The following RBFOX1 variants were observed in gnomAD, a reference collection of about 807,000 sequenced individuals.
RBFOX1 encodes RNA binding protein fox-1 homolog 1.
In RBFOX1, 8 loss-of-function variants were observed where a neutral mutation model predicts 57.7. The observed-to-expected ratio is 0.14, with a 90% CI of 0.08 to 0.25. RBFOX1 has a LOEUF of 0.25. Among genes scored for constraint, RBFOX1 ranks in the 10% least tolerant of loss-of-function variants. The pLI, the probability that RBFOX1 is intolerant of heterozygous loss-of-function variation, is 1.00. For missense variants in RBFOX1, 611 were observed against 548.5 expected, an observed-to-expected ratio of 1.11 and a Z score of -1.14; for synonymous variants, 326 against 222.4, an observed-to-expected ratio of 1.47 and a Z score of -4.15.
intron 1 of RBFOX1, among the ~76,000 whole-genome samples, chr16:6,239,054 A>G (rs1368533972): frequency 1.3e-5 from 2 of 151,992 alleles, no homozygotes; most frequent in Non-Finnish European, 2.9e-5. Flanking sequence ...CTCCTTAGTT[A>G]AGTGATTTTA....
intron 1 of RBFOX1, among the ~76,000 whole-genome samples, chr16:5,439,484 C>A (rs2068018057): frequency 6.6e-6 from 1 of 151,524 alleles, no homozygotes; most frequent in South Asian, 2.1e-4. Context: ...GAGGTTTGGA[C>A]TGGGTGGAAC....
chr16:5,401,860 G>GTCA (rs2151440278), intron 1 of RBFOX1, among the ~76,000 whole-genome samples: 1 of 149,984 alleles, frequency 6.7e-6, no homozygotes, highest in Non-Finnish European at 1.5e-5. Context: ...TCTGTCTCTC[G>GTCA]TCATCGTCGT....
chr16:7,204,308 G>A (rs936552246), intron 4 of RBFOX1, among the ~76,000 whole-genome samples: 3 of 152,150 alleles, frequency 2.0e-5, no homozygotes, highest in African/African-American at 7.2e-5. Context: ...ATCTGAGGGA[G>A]GACAGGATTG....
At chr16:6,539,082 C>T (rs1016830193) in intron 2 of RBFOX1, among the ~76,000 whole-genome samples, 12 of 151,802 alleles carry the variant, frequency 7.9e-5, no homozygotes, top group Non-Finnish European at 1.5e-4. Flanking sequence ...GCAAGGCTGA[C>T]TCCTTTGACC....
chr16:6,273,230 G>T (rs936282353), intron 1 of RBFOX1, among the ~76,000 whole-genome samples: 2 of 151,330 alleles, frequency 1.3e-5, no homozygotes, highest in Admixed American at 6.6e-5. Flanking sequence ...CTGTACTCCA[G>T]CCTGGGCAGC....
chr16:7,380,648 T>C (rs896215760), intron 4 of RBFOX1, among the ~76,000 whole-genome samples: 1 of 152,256 alleles, frequency 6.6e-6, no homozygotes, highest in Non-Finnish European at 1.5e-5. Flanking sequence ...CTCACACCGC[T>C]GATCATCCAA....
intron 3 of RBFOX1, among the ~76,000 whole-genome samples, chr16:6,727,211 A>G (rs949057616): frequency 1.2e-4 from 19 of 152,124 alleles, no homozygotes; most frequent in Non-Finnish European, 2.9e-5. Flanking sequence ...CAATTCTGAC[A>G]ATCCCTCAAC....
At chr16:6,682,689 C>T (rs538901544) in intron 3 of RBFOX1, among the ~76,000 whole-genome samples, 36 of 151,850 alleles carry the variant, frequency 2.4e-4, no homozygotes, top group African/African-American at 8.5e-4. Context: ...CCATGTGTCC[C>T]CCGGCGCGCA....
intron 3 of RBFOX1, among the ~76,000 whole-genome samples, chr16:5,862,127 C>G (rs1348747133): frequency 6.6e-6 from 1 of 152,176 alleles, no homozygotes; most frequent in African/African-American, 2.4e-5. Context: ...TCAGTTCTAT[C>G]TAAGCCAGAG....
chr16:7,023,227 A>G (rs937388197), intron 3 of RBFOX1, among the ~76,000 whole-genome samples: 2 of 152,032 alleles, frequency 1.3e-5, no homozygotes, highest in Non-Finnish European at 2.9e-5. Context: ...CTATAATCCT[A>G]TCACTTTGGG....
intron 1 of RBFOX1, among the ~76,000 whole-genome samples, chr16:6,034,468 C>G (rs1035570309): frequency 2.6e-5 from 4 of 151,744 alleles, no homozygotes; most frequent in Admixed American, 6.6e-5. Context: ...GAGGGATGCC[C>G]GCTCTGCATC....
At chr16:7,334,520 C>G (rs1349856076) in intron 4 of RBFOX1, among the ~76,000 whole-genome samples, 1 of 152,148 alleles carries the variant, frequency 6.6e-6, no homozygotes, top group Admixed American at 6.6e-5. Flanking sequence ...GTGGCCTTCA[C>G]TCTATGCTGA....
intron 4 of RBFOX1, among the ~76,000 whole-genome samples, chr16:7,163,433 C>CGT (rs1033982831): frequency 2.0e-5 from 3 of 152,054 alleles, no homozygotes; most frequent in Non-Finnish European, 4.4e-5. Context: ...GGTCTGGTGA[C>CGT]GTTTTGCTTT....
intron 4 of RBFOX1, among the ~76,000 whole-genome samples, chr16:5,921,114 T>C (rs1487353691): frequency 6.6e-6 from 1 of 152,136 alleles, no homozygotes; most frequent in African/African-American, 2.4e-5. Flanking sequence ...ACTGATCTCC[T>C]GTTAGGATAT....
chr16:6,912,738 C>T (rs1027281867), intron 3 of RBFOX1, among the ~76,000 whole-genome samples: 3 of 151,974 alleles, frequency 2.0e-5, no homozygotes, highest in Non-Finnish European at 2.9e-5. Flanking sequence ...CTACCTCAGC[C>T]TACTGAGTAG....
chr16:7,550,470 C>A (rs1354623652), intron 5 of RBFOX1, among the ~76,000 whole-genome samples: 1 of 152,052 alleles, frequency 6.6e-6, no homozygotes, highest in East Asian at 1.9e-4. Flanking sequence ...AATGTCTCTT[C>A]CATTTTTAAT....
At chr16:5,903,519 A>G (rs1190201879) in intron 4 of RBFOX1, among the ~76,000 whole-genome samples, 1 of 152,188 alleles carries the variant, frequency 6.6e-6, no homozygotes, top group African/African-American at 2.4e-5. Flanking sequence ...TTTGGACAGA[A>G]GGAAGAGGAT....
chr16:6,880,042 G>T lies in RBFOX1; in HGVS notation c.-15-172015G>T, dbSNP rs1374219810. Among the ~76,000 whole-genome samples, 4 of 152,058 alleles carry T rather than the reference G, an allele frequency of 2.6e-5. No homozygotes were observed. The South Asian group carries it at 8.3e-4, about 32-fold the overall frequency. On this transcript the variant is annotated intron_variant, in intron 3 of 15. Coordinates refer to ENST00000550418, the MANE Select transcript of RBFOX1 (RefSeq NM_018723.4). ...AAGCGCCTCTGTTTCCTCCATCCAT[G>T]CAAGTAAATTTTCCTCCAGATTCAA...
chr16:6,665,517 TG>T (rs985021871), intron 3 of RBFOX1, among the ~76,000 whole-genome samples: 1 of 147,240 alleles, frequency 6.8e-6, no homozygotes, highest in African/African-American at 2.7e-5. Flanking sequence ...CGCAGCTACT[TG>T]GGAGGCTGAG....
Sources: gnomAD v4.1 joint callset for allele counts (sites outside exome capture counted in the v4.1 genomes callset) on GRCh38, gnomAD v4.1.1 for gene constraint, MANE v1.5 for transcripts, NCBI Gene and HGNC (gene_info 2026-07-23, HGNC 2026-07-21) for gene names.